Variants in PCDH7 observed in about 807,000 individuals in gnomAD.
The protein encoded by PCDH7 is protocadherin-7.
PCDH7 carries 17 observed loss-of-function variants against 58.9 expected under a neutral mutation model. The ratio of observed to expected loss-of-function variants is 0.29; its 90% CI spans 0.20 to 0.43. The LOEUF (loss-of-function observed/expected upper bound fraction) is 0.43, where lower values mean the gene tolerates loss of function less well. PCDH7 is among the 20% of genes least tolerant of loss of function. The pLI is 1.00. For missense variants in PCDH7, 1,274 were observed against 1,441.0 expected (o/e 0.88, Z 1.88); for synonymous variants, 664 against 616.4 (o/e 1.08, Z -1.14).
chr4:30,776,508 G>A (rs1037780095), intron 1 of PCDH7, among the ~76,000 whole-genome samples: 2 of 152,210 alleles, frequency 1.3e-5, no homozygotes, highest in African/African-American at 4.8e-5. Context: ...AGAGATGACA[G>A]TTTTGTCAAA....
intron 3 of PCDH7, among the ~76,000 whole-genome samples, chr4:31,098,149 C>T (rs116014097): frequency 3.1e-3 from 470 of 152,260 alleles, no homozygotes; most frequent in African/African-American, 0.01. Context: ...GCTACTGCTT[C>T]CCCCACGCAG....
At chr4:31,055,177 C>T (rs1288833679) in intron 3 of PCDH7, among the ~76,000 whole-genome samples, 7 of 152,116 alleles carry the variant, frequency 4.6e-5, no homozygotes, top group African/African-American at 1.4e-4. Flanking sequence ...TTTATGTCAT[C>T]CATCTTCAAG....
intron 1 of PCDH7, among the ~76,000 whole-genome samples, chr4:30,851,364 GAA>G (rs1445716288): frequency 6.6e-6 from 1 of 151,976 alleles, no homozygotes; most frequent in African/African-American, 2.4e-5. Context: ...GCTAGAGTCA[GAA>G]TTCCAACCAA....
chr4:30,921,236 A>C (rs1285987376), intron 2 of PCDH7, among the ~76,000 whole-genome samples: 2 of 152,126 alleles, frequency 1.3e-5, no homozygotes, highest in Non-Finnish European at 2.9e-5. Flanking sequence ...ATTCTTTCAA[A>C]TATGAAGAGA....
At chr4:31,137,143 A>G (rs1719696747) in intron 3 of PCDH7, among the ~76,000 whole-genome samples, 1 of 152,226 alleles carries the variant, frequency 6.6e-6, no homozygotes, top group South Asian at 2.1e-4. Flanking sequence ...ACTAGCATTT[A>G]AGTGTGCTTC....
chr4:30,787,998 G>C (rs1024121270), intron 1 of PCDH7, among the ~76,000 whole-genome samples: 3 of 151,994 alleles, frequency 2.0e-5, no homozygotes, highest in African/African-American at 7.2e-5. Flanking sequence ...TTTAAATTAA[G>C]ATGATACCAA....
chr4:31,120,431 C>CTT (rs1483312437), intron 3 of PCDH7, among the ~76,000 whole-genome samples: 1 of 87,666 alleles, frequency 1.1e-5, no homozygotes, highest in Non-Finnish European at 2.2e-5. Context: ...GTTTTTCTTT[C>CTT]TATTTTTTTC....
At chr4:30,800,976 T>G (rs1047806539) in intron 1 of PCDH7, among the ~76,000 whole-genome samples, 1 of 152,042 alleles carries the variant, frequency 6.6e-6, no homozygotes, top group Non-Finnish European at 1.5e-5. Flanking sequence ...GCTGATAGAG[T>G]GGAGGGCAGT....
At chr4:30,761,900 G>A (rs1472731567) in intron 1 of PCDH7, among the ~76,000 whole-genome samples, 1 of 152,212 alleles carries the variant, frequency 6.6e-6, no homozygotes, top group Non-Finnish European at 1.5e-5. Context: ...AGAAGTGAGA[G>A]ACAGAATTAG....
At chr4:31,122,625 T>G (rs1045749361) in intron 3 of PCDH7, among the ~76,000 whole-genome samples, 1 of 152,124 alleles carries the variant, frequency 6.6e-6, no homozygotes, top group Non-Finnish European at 1.5e-5. Flanking sequence ...TTTCAAATGC[T>G]GATATACTTG....
At chr4:31,123,115 T>C (rs991052422) in intron 3 of PCDH7, among the ~76,000 whole-genome samples, 3 of 152,130 alleles carry the variant, frequency 2.0e-5, no homozygotes, top group Non-Finnish European at 2.9e-5. Flanking sequence ...TTTAAGCCAC[T>C]TTTCTGGGGG....
At chr4:30,734,069 T>TA (rs34895355), downstream of PCDH7, among the ~76,000 whole-genome samples, 58,328 of 150,530 alleles carry the variant, frequency 0.39, 13,867 homozygotes, top group Non-Finnish European at 0.52. Context: ...TAGGTTATCT[T>TA]AAAAAAAAAC....
intron 1 of PCDH7, among the ~76,000 whole-genome samples, chr4:30,828,561 A>AT: frequency 6.6e-6 from 1 of 152,058 alleles, no homozygotes; most frequent in East Asian, 1.9e-4. Flanking sequence ...TTAGAGTGAT[A>AT]CCAAAAAAAA....
chr4:31,042,851 A>G (rs1049484684), intron 3 of PCDH7, among the ~76,000 whole-genome samples: 5 of 152,166 alleles, frequency 3.3e-5, no homozygotes, highest in Non-Finnish European at 7.3e-5. Context: ...GGTAATTTAT[A>G]AAGAAAAGAA....
intron 1 of PCDH7, among the ~76,000 whole-genome samples, chr4:30,880,838 G>C (rs6811465): frequency 6.6e-6 from 1 of 152,066 alleles, no homozygotes; most frequent in Non-Finnish European, 1.5e-5. Flanking sequence ...ATTGATTGGC[G>C]TACTTAAATG....
chr4:30,807,536 G>A (rs531176837), intron 1 of PCDH7, among the ~76,000 whole-genome samples: 1 of 152,214 alleles, frequency 6.6e-6, no homozygotes, highest in South Asian at 2.1e-4. Flanking sequence ...GCTTTCCTCT[G>A]CAAAAATAGA....
chr4:30,946,491 C>G (rs1044455062), intron 2 of PCDH7, among the ~76,000 whole-genome samples: 1 of 151,432 alleles, frequency 6.6e-6, no homozygotes, highest in Non-Finnish European at 1.5e-5. Flanking sequence ...TCCCACCACA[C>G]TGCCTTAGGA....
rs1219374336 is a variant in PCDH7 at position 30,992,678 on chromosome 4, G to GA, written c.*7+42469dup. On this transcript the variant is annotated intron_variant, in intron 3 of 3. Transcript: ENST00000509759. ...GGAGCTGATGTTACCAGAAGAGACA[G>GA]AAAAAATAAAAAGATGAATGCTAAA... Among the ~76,000 whole-genome samples, 4 of 149,456 alleles carry GA rather than the reference G, an allele frequency of 2.7e-5. No homozygotes were observed. The South Asian group carries it at 8.4e-4, about 31-fold the overall frequency.
In PCDH7 at chr4:30,815,160, AGAAG is replaced by A. The variant is rs1269716819; in HGVS notation, c.70+90567_70+90570del. Among the ~76,000 whole-genome samples, 163 of 151,960 alleles carry A rather than the reference AGAAG, an allele frequency of 1.1e-3. 2 individuals are homozygous for A. Among genetic ancestry groups the A allele is most frequent in the African/African-American group, 3.7e-3 (155 of 41,488 alleles). On this transcript the variant is annotated intron_variant, in intron 1 of 3. Coordinates refer to the PCDH7 transcript ENST00000509759. ...TGCATATATAAATTATAATGAAAAAAGAAGGATCTTTTTTCATTATAATTTATAT... is the reference window on the plus strand; with the variant it reads ...TGCATATATAAATTATAATGAAAAAAGATCTTTTTTCATTATAATTTATAT...
Sources: allele counts gnomAD v4.1 joint callset (sites outside exome capture counted in the v4.1 genomes callset), GRCh38; gene constraint gnomAD v4.1.1; transcripts MANE v1.5; gene names NCBI Gene and HGNC (gene_info 2026-07-23, HGNC 2026-07-21).